POM121: variants seen among roughly 807,000 people sequenced by gnomAD.
POM121 encodes nuclear envelope pore membrane protein POM 121.
A neutral mutation model predicts 81.3 loss-of-function variants in POM121; 32 were observed. The ratio of observed to expected loss-of-function variants is 0.39; its 90% confidence interval spans 0.30 to 0.53. The LOEUF (loss-of-function observed/expected upper bound fraction) is 0.53, where lower values mean the gene tolerates loss of function less well. POM121 is among the 20% of genes least tolerant of loss of function. POM121 has a pLI of 0.66. For missense variants in POM121, 1,138 were observed against 1,614.6 expected, an observed-to-expected ratio of 0.70 and a Z score of 5.06; for synonymous variants, 514 against 694.2, an observed-to-expected ratio of 0.74 and a Z score of 4.08.
Position 72,946,624 on chromosome 7 carries a change from G to T in POM121, c.*390G>T, listed in dbSNP as rs550139005. The T allele has an allele frequency of 0.016, 16,512 of 1,012,432 alleles. 233 individuals carry two copies. The highest frequency in any genetic ancestry group is 0.018 in the Non-Finnish European group (15,408 of 847,678). The allele number at this position is 1,012,432 out of a possible 1,614,324, so 62.7% of individuals were successfully genotyped here. On this transcript the variant is annotated 3_prime_UTR_variant, in exon 13 of 13. Coordinates refer to ENST00000434423, the MANE Select transcript of POM121 (RefSeq NM_001387691.1). ...GGCAGGGTCCAGCCCGCCTGGATCGGTGGTGTGCACCTGATGGGATTTGGG... is the reference window on the plus strand; with the variant it reads ...GGCAGGGTCCAGCCCGCCTGGATCGTTGGTGTGCACCTGATGGGATTTGGG...
intron 3 of POM121, among the ~76,000 whole-genome samples, chr7:72,906,791 C>CT (rs1244279865): frequency 2.5e-4 from 36 of 146,706 alleles, no homozygotes; most frequent in South Asian, 4.3e-4. Context: ...CCTGGCTAAT[C>CT]TTTTTTTTTT....
chr7:72,904,364 C>T (rs1793023399), intron 3 of POM121, among the ~76,000 whole-genome samples: 1 of 152,200 alleles, frequency 6.6e-6, no homozygotes, highest in Non-Finnish European at 1.5e-5. Context: ...AATCTTTTGC[C>T]TAGGCATCAG....
chr7:72,881,348 CT>C (rs1334940119), intron 1 of POM121, among the ~76,000 whole-genome samples: 12 of 149,954 alleles, frequency 8.0e-5, no homozygotes, highest in Middle Eastern at 3.4e-3. Context: ...CTGTATCACT[CT>C]TTTAGACCCT....
In POM121 at chr7:72,883,287, C is replaced by T. The variant is rs566383262; in HGVS notation, c.-521+3402C>T. Among the ~76,000 whole-genome samples, 17 of 152,312 alleles carry T rather than the reference C, an allele frequency of 1.1e-4. No homozygotes were observed. The East Asian group carries it at 2.1e-3, about 19-fold the overall frequency. Reference sequence around the variant, plus strand: ...CTGAGCTCAGGCAGTCTGCCCGCCTCGGCGTCCCAAAGTGCTAGGATTACA... The same window carrying T: ...CTGAGCTCAGGCAGTCTGCCCGCCTTGGCGTCCCAAAGTGCTAGGATTACA... On this transcript the variant is annotated intron_variant, in intron 1 of 15. Coordinates refer to the POM121 transcript ENST00000395270.
upstream of POM121, among the ~76,000 whole-genome samples, chr7:72,921,077 C>T (rs1375287810): frequency 6.6e-6 from 1 of 152,058 alleles, no homozygotes; most frequent in Non-Finnish European, 1.5e-5. Flanking sequence ...AGCTACTCTG[C>T]TGAGGCTCAG....
chr7:72,912,138 C>T (rs1365302675), intron 3 of POM121, among the ~76,000 whole-genome samples: 7 of 152,326 alleles, frequency 4.6e-5, no homozygotes, highest in African/African-American at 1.7e-4. Flanking sequence ...AGCAGTCCTC[C>T]CTCTTTGGCC....
At chr7:72,880,690 A>T (rs1586049931) in intron 1 of POM121, among the ~76,000 whole-genome samples, 1 of 151,528 alleles carries the variant, frequency 6.6e-6, no homozygotes, top group African/African-American at 2.4e-5. Flanking sequence ...GGAGTTAGAG[A>T]CCAGCCTAGA....
intron 5 of POM121, among the ~76,000 whole-genome samples, chr7:72,931,839 G>A (rs1299541526): frequency 2.0e-5 from 3 of 152,162 alleles, no homozygotes; most frequent in Non-Finnish European, 4.4e-5. Flanking sequence ...CCAAAGTGCT[G>A]GGATTACAGG....
chr7:72,890,739 A>T lies in POM121; in HGVS notation c.-408A>T. ...GATGTGATGTTGGAGAACTACAGCC[A>T]TCTAGTTTCCCTGGGTGAGGATAGC... On this transcript the variant is annotated 5_prime_UTR_variant, in exon 2 of 16. Coordinates refer to the POM121 transcript ENST00000395270. The T allele has an allele frequency of 4.4e-6, 7 of 1,601,854 alleles. No homozygotes were observed. The Middle Eastern group carries it at 1.0e-3, about 231-fold the overall frequency.
At chr7:72,901,646 C>T (rs553517026) in intron 3 of POM121, among the ~76,000 whole-genome samples, 1 of 151,864 alleles carries the variant, frequency 6.6e-6, no homozygotes, top group Non-Finnish European at 1.5e-5. Flanking sequence ...AGCCACTGTG[C>T]CTGGCCCGAC....
rs1166073795 is a variant in POM121, at chr7:72,925,165, G to A, written c.44G>A (p.Arg15Gln). The A allele has an allele frequency of 1.5e-5, 23 of 1,487,794 alleles. No individual in the cohort carries two copies. Among genetic ancestry groups the A allele is most frequent in the Non-Finnish European group, 1.9e-5 (22 of 1,128,338 alleles). 92.2% of individuals were successfully genotyped at this position (1,487,794 alleles called of 1,614,324 possible). ...AAAAGAGERR[R>Q]PIASVRDGRG... ...GCGGCTGGAGCAGGCGAGCGGCGGC[G>A]GCCCATAGCGAGTGTCAGGGACGGC... The change falls in exon 1 of 13, where the codon CGG becomes CAG. Residue 15 changes from arginine to glutamine, a missense_variant. Arg to Gln is a conservative substitution (Grantham distance 43). Coordinates refer to ENST00000434423, the MANE Select transcript of POM121 (RefSeq NM_001387691.1).
exon 1 of POM121, chr7:72,879,802 C>G: frequency 2.0e-6 from 1 of 499,494 alleles, no homozygotes; most frequent in Non-Finnish European, 4.0e-6. Flanking sequence ...GAGGGGACTT[C>G]GCGAGCAGAC....
upstream of POM121, among the ~76,000 whole-genome samples, chr7:72,923,644 G>A (rs374071690): frequency 8.5e-6 from 1 of 117,342 alleles, no homozygotes; most frequent in Non-Finnish European, 1.6e-5. Context: ...CTGTCGCCCA[G>A]GCTGGAGTGC....
chr7:72,895,203 C>T (rs1314245507), intron 3 of POM121, among the ~76,000 whole-genome samples: 5 of 152,140 alleles, frequency 3.3e-5, no homozygotes, highest in Non-Finnish European at 7.3e-5. Context: ...CCAGATGGCT[C>T]CTAAAGGCTC....
chr7:72,922,174 A>G (rs1324603406), upstream of POM121, among the ~76,000 whole-genome samples: 7 of 152,184 alleles, frequency 4.6e-5, no homozygotes, highest in African/African-American at 1.4e-4. Context: ...ATATGCACAT[A>G]TGTGTATATT....
chr7:72,902,987 G>C (rs1287355386), intron 3 of POM121, among the ~76,000 whole-genome samples: 2 of 152,108 alleles, frequency 1.3e-5, no homozygotes, highest in Non-Finnish European at 2.9e-5. Flanking sequence ...TTCAATGTCT[G>C]TGCTTCCTTA....
intron 7 of POM121, 150 bp from the exon 8 acceptor site, chr7:72,939,697 C>T (rs1796874526): frequency 5.6e-6 from 9 of 1,597,884 alleles, no homozygotes; most frequent in Non-Finnish European, 6.0e-6. Context: ...CTTAATCTTG[C>T]AAACACCATC....
intron 4 of POM121, among the ~76,000 whole-genome samples, chr7:72,919,294 C>G (rs1432682425): frequency 6.7e-6 from 1 of 150,306 alleles, no homozygotes; most frequent in Admixed American, 6.6e-5. Flanking sequence ...GATATCATTC[C>G]TCAATTATAT....
At chr7:72,905,653 T>C (rs1471276868) in intron 3 of POM121, among the ~76,000 whole-genome samples, 1 of 152,160 alleles carries the variant, frequency 6.6e-6, no homozygotes, top group African/African-American at 2.4e-5. Flanking sequence ...TAAGCCAAGA[T>C]TGCACCTCTG....
Sources: gnomAD v4.1 joint callset for allele counts (sites outside exome capture counted in the v4.1 genomes callset) on GRCh38, gnomAD v4.1.1 for gene constraint, MANE v1.5 for transcripts, NCBI Gene and HGNC (gene_info 2026-07-23, HGNC 2026-07-21) for gene names.